ADGRB3: variants seen among roughly 807,000 people sequenced by gnomAD.
ADGRB3 encodes the protein adhesion G protein-coupled receptor B3.
Under a neutral mutation model 193.4 loss-of-function variants are expected in ADGRB3, and 37 were observed. That is an observed-to-expected ratio of 0.19 (90% CI 0.15 to 0.25). The LOEUF is 0.25. Among genes scored for constraint, ADGRB3 ranks in the 10% least tolerant of loss-of-function variants. ADGRB3 has a pLI of 1.00. For missense variants in ADGRB3, 1,637 were observed against 1,852.9 expected, an observed-to-expected ratio of 0.88 and a Z score of 2.14; for synonymous variants, 690 against 644.2, an observed-to-expected ratio of 1.07 and a Z score of -1.08.
At chr6:68,712,658 TGA>T (rs1164286130) in intron 3 of ADGRB3, among the ~76,000 whole-genome samples, 1 of 151,854 alleles carries the variant, frequency 6.6e-6, no homozygotes, top group East Asian at 1.9e-4. Context: ...GGGAAAAATA[TGA>T]GAGAGGGGTT....
chr6:69,214,707 A>G (rs1765738534), intron 17 of ADGRB3, among the ~76,000 whole-genome samples: 9 of 151,668 alleles, frequency 5.9e-5, no homozygotes, highest in Admixed American at 5.9e-4. Flanking sequence ...AATCCCCCAC[A>G]ATTGCCCATG....
chr6:69,325,992 G>A (rs922421839), intron 21 of ADGRB3, among the ~76,000 whole-genome samples: 3 of 151,616 alleles, frequency 2.0e-5, no homozygotes, highest in African/African-American at 7.3e-5. Context: ...CTACCTGAGC[G>A]TGGGTGGACT....
rs560445173 is a variant in ADGRB3 at position 68,756,935 on chromosome 6, G to C, written c.757+117503G>C. 9.5e-4 allele frequency among the ~76,000 whole-genome samples: 144 copies of C among 152,116 alleles called. 3 individuals are homozygous for C. Among genetic ancestry groups the C allele is most frequent in the Non-Finnish European group, 4.1e-4 (28 of 68,020 alleles). ...AGCAGAGTTGGCAGTGCTGTTACCAGATTCATTTCTCATGTCTGTGGCACT... is the reference window on the plus strand; with the variant it reads ...AGCAGAGTTGGCAGTGCTGTTACCACATTCATTTCTCATGTCTGTGGCACT... On this transcript the variant is annotated intron_variant, in intron 3 of 31. Coordinates refer to ENST00000370598, the MANE Select transcript of ADGRB3 (RefSeq NM_001704.3).
chr6:68,717,453 A>G (rs988071848), intron 3 of ADGRB3, among the ~76,000 whole-genome samples: 2 of 151,728 alleles, frequency 1.3e-5, no homozygotes, highest in Non-Finnish European at 2.9e-5. Context: ...AAATAAAATG[A>G]AAGTTATTTT....
At chr6:69,191,303 C>T (rs933989561) in intron 17 of ADGRB3, among the ~76,000 whole-genome samples, 2 of 151,898 alleles carry the variant, frequency 1.3e-5, no homozygotes, top group African/African-American at 4.8e-5. Flanking sequence ...TAATGTGAGC[C>T]TTTTTCAATA....
intron 3 of ADGRB3, among the ~76,000 whole-genome samples, chr6:68,917,699 CT>C (rs1167575946): frequency 4.6e-5 from 7 of 152,000 alleles, no homozygotes; most frequent in Admixed American, 6.6e-5. Flanking sequence ...AAACTAATCT[CT>C]TTTTTTGAAA....
chr6:69,057,861 A>G (rs537711949), intron 15 of ADGRB3, among the ~76,000 whole-genome samples: 3 of 152,062 alleles, frequency 2.0e-5, no homozygotes, highest in Non-Finnish European at 4.4e-5. Context: ...TTTTTGCATC[A>G]ATATTTATTA....
intron 3 of ADGRB3, among the ~76,000 whole-genome samples, chr6:68,781,796 G>T (rs923671689): frequency 6.6e-6 from 1 of 151,930 alleles, no homozygotes; most frequent in African/African-American, 2.4e-5. Context: ...GAGGTACCTT[G>T]TTAGATGAGC....
chr6:69,279,891 A>G (rs1162977748), intron 20 of ADGRB3, among the ~76,000 whole-genome samples: 1 of 152,044 alleles, frequency 6.6e-6, no homozygotes, highest in Non-Finnish European at 1.5e-5. Context: ...CCTTCTTGGT[A>G]TCTTGTCTGT....
At chr6:69,269,550 T>A (rs913864797) in intron 20 of ADGRB3, among the ~76,000 whole-genome samples, 2 of 152,118 alleles carry the variant, frequency 1.3e-5, no homozygotes, top group African/African-American at 4.8e-5. Flanking sequence ...TATCAAATAA[T>A]TTTTTTATTT....
chr6:68,865,204 C>A lies in ADGRB3; in HGVS notation c.758-65355C>A, dbSNP rs142149853. 4.6e-5 allele frequency among the ~76,000 whole-genome samples: 7 copies of A among 151,908 alleles called. No individual in the cohort carries two copies. In the East Asian group the frequency reaches 1.2e-3, roughly 25 times the overall value. The stretch of plus-strand genomic sequence containing the variant: ...AAAACATATTTTGCTCATCCTCAGA[C>A]CCTCTCCTATCCCCCATTAATATTT... On this transcript the variant is annotated intron_variant, in intron 3 of 31. Transcript: ENST00000370598.
chr6:69,297,372 C>CTCTCTCTCTT (rs1767847947), intron 20 of ADGRB3, among the ~76,000 whole-genome samples: 1 of 85,384 alleles, frequency 1.2e-5, no homozygotes, highest in Non-Finnish European at 2.4e-5. Flanking sequence ...CTCTCTTTCT[C>CTCTCTCTCTT]TCTCTCTCTC....
intron 11 of ADGRB3, among the ~76,000 whole-genome samples, chr6:69,004,644 A>G (rs1249250537): frequency 1.4e-5 from 2 of 142,068 alleles, no homozygotes; most frequent in South Asian, 4.5e-4. Context: ...GTTCCCACCT[A>G]TGAGTGAGAA....
chr6:69,030,963 TTTC>T (rs1373585088), intron 13 of ADGRB3, among the ~76,000 whole-genome samples: 1 of 127,326 alleles, frequency 7.9e-6, no homozygotes, highest in African/African-American at 3.2e-5. Flanking sequence ...CTTTTTTTCT[TTTC>T]TTTTCTTTTC....
chr6:68,781,349 C>G (rs1275288714), intron 3 of ADGRB3, among the ~76,000 whole-genome samples: 1 of 152,042 alleles, frequency 6.6e-6, no homozygotes, highest in Non-Finnish European at 1.5e-5. Context: ...TAGCACATTG[C>G]TACTTTAGAC....
chr6:69,109,737 GT>G (rs1773315494), intron 17 of ADGRB3, among the ~76,000 whole-genome samples: 1 of 152,158 alleles, frequency 6.6e-6, no homozygotes, highest in Non-Finnish European at 1.5e-5. Context: ...CCCTGTTTTG[GT>G]GATGCAATGG....
Position 69,235,083 on chromosome 6 carries a change from C to A in ADGRB3, c.2659C>A (p.Leu887Ile), listed in dbSNP as rs1766231339. 1.2e-6 allele frequency: 2 copies of A among 1,613,104 alleles called. No homozygotes were observed. The highest frequency in any genetic ancestry group is 1.7e-6 in the Non-Finnish European group (2 of 1,179,356). ...PSVTLIVGSGLSCLALITLAV... is the reference protein window; with the variant it reads ...PSVTLIVGSGISCLALITLAV... ...AGTTACCCTAATAGTAGGCAGTGGT[C>A]TTTCTTGCTTGGCCTTGATTACCCT... The change falls in exon 19 of 32, where the codon CTT becomes ATT. Residue 887 changes from leucine (L) to isoleucine (I), a missense_variant. Coordinates refer to ENST00000370598, the MANE Select transcript of ADGRB3 (RefSeq NM_001704.3).
chr6:69,265,876 C>A (rs573659734), intron 20 of ADGRB3, among the ~76,000 whole-genome samples: 1 of 152,070 alleles, frequency 6.6e-6, no homozygotes, highest in African/African-American at 2.4e-5. Flanking sequence ...AGACAAATGA[C>A]TCTTTCAAGG....
At chr6:69,043,523 A>G (rs1167546083) in intron 13 of ADGRB3, among the ~76,000 whole-genome samples, 6 of 152,192 alleles carry the variant, frequency 3.9e-5, no homozygotes, top group African/African-American at 7.2e-5. Context: ...AAAATAATGT[A>G]TGCTACATAG....
Sources: gnomAD v4.1 joint callset for allele counts (sites outside exome capture counted in the v4.1 genomes callset) on GRCh38, gnomAD v4.1.1 for gene constraint, MANE v1.5 for transcripts, NCBI Gene and HGNC (gene_info 2026-07-23, HGNC 2026-07-21) for gene names.